Variants in KATNAL2 observed in about 807,000 individuals in gnomAD.
KATNAL2 encodes katanin p60 ATPase-containing subunit A-like 2.
In KATNAL2, 52 loss-of-function variants were observed where a neutral mutation model predicts 76.3. The observed-to-expected ratio is 0.68, with a 90% CI of 0.55 to 0.86. The LOEUF is 0.86. KATNAL2 is among the 40% of genes least tolerant of loss of function. The probability of loss-of-function intolerance (pLI) is 0.00; values close to 1 mark genes in which losing one functional copy is unlikely to be tolerated. For synonymous variants in KATNAL2, 243 were observed against 244.2 expected, an observed-to-expected ratio of 1.00 and a Z score of 0.05; for missense variants, 660 against 668.9, an observed-to-expected ratio of 0.99 and a Z score of 0.15.
chr18:46,939,197 G>C (rs1488981571), intron 1 of KATNAL2, among the ~76,000 whole-genome samples: 1 of 152,054 alleles, frequency 6.6e-6, no homozygotes, highest in Non-Finnish European at 1.5e-5. Flanking sequence ...AAAATTAGCT[G>C]AGTGTGGTGG....
intron 10 of KATNAL2, among the ~76,000 whole-genome samples, chr18:47,065,668 C>A (rs1193675557): frequency 6.6e-6 from 1 of 151,896 alleles, no homozygotes; most frequent in Non-Finnish European, 1.5e-5. Context: ...AACAAACAAA[C>A]AAACAAGAAC....
chr18:47,091,465 G>A (rs1412117595), intron 15 of KATNAL2, among the ~76,000 whole-genome samples: 3 of 152,150 alleles, frequency 2.0e-5, no homozygotes, highest in African/African-American at 4.8e-5. Context: ...AGGGACTAAG[G>A]GGAGTGCTTT....
chr18:46,918,093 G>A (rs1026337858), intron 1 of KATNAL2, 167 bp downstream of exon 1: 1 of 152,058 alleles, frequency 6.6e-6, no homozygotes, highest in African/African-American at 2.4e-5. Flanking sequence ...GCGGGGAGAA[G>A]TGAAATAAGA....
intron 16 of KATNAL2, among the ~76,000 whole-genome samples, chr18:47,099,760 C>T (rs1046004841): frequency 6.6e-6 from 1 of 152,170 alleles, no homozygotes; most frequent in Admixed American, 6.5e-5. Context: ...CAAAGAATGA[C>T]TGTGATGATT....
At chr18:47,090,224 A>G (rs1345287654) in intron 15 of KATNAL2, among the ~76,000 whole-genome samples, 1 of 152,000 alleles carries the variant, frequency 6.6e-6, no homozygotes, top group African/African-American at 2.4e-5. Context: ...CTCCTGCCTC[A>G]GCCTCCTGAG....
chr18:46,928,080 C>A (rs1438457009), intron 1 of KATNAL2, among the ~76,000 whole-genome samples: 3 of 152,230 alleles, frequency 2.0e-5, no homozygotes, highest in African/African-American at 7.2e-5. Flanking sequence ...CTTCTTCTCT[C>A]AACTCGTCAA....
At chr18:47,035,369 A>C in intron 3 of KATNAL2, 2 of 1,569,332 alleles carry the variant, frequency 1.3e-6, no homozygotes, top group South Asian at 2.3e-5. Context: ...CCCGGTCGCC[A>C]GGCAGCGACC....
intron 14 of KATNAL2, 28 bp from the exon 15 acceptor site, chr18:47,077,323 A>C: frequency 6.5e-7 from 1 of 1,541,652 alleles, no homozygotes; most frequent in Non-Finnish European, 9.0e-7. Context: ...TCTGACACTT[A>C]GGAGAATCAC....
At chr18:47,046,025 G>A (rs997547752) in intron 3 of KATNAL2, among the ~76,000 whole-genome samples, 8 of 152,306 alleles carry the variant, frequency 5.3e-5, no homozygotes, top group Admixed American at 1.3e-4. Context: ...AGGACTGGGC[G>A]GGGCTCTGAG....
chr18:46,943,396 A>G (rs2059300959), intron 1 of KATNAL2, among the ~76,000 whole-genome samples: 1 of 152,216 alleles, frequency 6.6e-6, no homozygotes, highest in Non-Finnish European at 1.5e-5. Context: ...AGCACAAGAT[A>G]CAGAACAAAG....
Position 47,064,955 on chromosome 18 carries a change from A to T in KATNAL2, c.726+1594A>T, listed in dbSNP as rs370912680. 4.6e-4 allele frequency among the ~76,000 whole-genome samples: 70 copies of T among 152,300 alleles called. 1 individual carries two copies. The Middle Eastern group carries it at 0.014, about 30-fold the overall frequency. On this transcript the variant is annotated intron_variant, in intron 10 of 17. Transcript: ENST00000683218. ...GAAGAGGTCAAGAAATACTGCTGTT[A>T]TCTATGGATGCTTTTAATACCTAGG...
At chr18:47,100,186 C>A in intron 16 of KATNAL2, 68 bp from the exon 17 acceptor site, 1 of 1,078,286 alleles carries the variant, frequency 9.3e-7, no homozygotes, top group Non-Finnish European at 1.4e-6. Context: ...CTGGGTCCTG[C>A]CTATAACAAC....
At chr18:47,069,401 T>A in intron 12 of KATNAL2, 81 bp from the exon 13 acceptor site, 1 of 1,380,394 alleles carries the variant, frequency 7.2e-7, no homozygotes, top group Non-Finnish European at 1.0e-6. Flanking sequence ...ACTTCCTTCC[T>A]TGTGTGTGAG....
At chr18:47,051,130 C>T (rs1191716525) in intron 4 of KATNAL2, among the ~76,000 whole-genome samples, 1 of 152,096 alleles carries the variant, frequency 6.6e-6, no homozygotes, top group East Asian at 1.9e-4. Flanking sequence ...CCCGTCCTGT[C>T]GCTCTGTTGG....
chr18:46,965,576 TCCCCGC>T (rs2060093034), intron 3 of KATNAL2, among the ~76,000 whole-genome samples: 1 of 68,634 alleles, frequency 1.5e-5, no homozygotes, highest in African/African-American at 6.8e-5. Flanking sequence ...CCCTCTAGCA[TCCCCGC>T]CCCCCCCCCC....
chr18:47,051,443 A>C (rs1300749594), intron 4 of KATNAL2, among the ~76,000 whole-genome samples: 1 of 149,740 alleles, frequency 6.7e-6, no homozygotes, highest in African/African-American at 2.5e-5. Flanking sequence ...AAAAAAAAAA[A>C]AGGTTAAAAA....
At chr18:46,923,100 C>T (rs1054396444) in intron 1 of KATNAL2, among the ~76,000 whole-genome samples, 36 of 149,778 alleles carry the variant, frequency 2.4e-4, no homozygotes, top group Non-Finnish European at 4.4e-4. Flanking sequence ...TTTTAGGGTA[C>T]ATGTGCACAA....
chr18:46,921,995 C>T (rs529293622), intron 1 of KATNAL2, among the ~76,000 whole-genome samples: 11 of 152,210 alleles, frequency 7.2e-5, no homozygotes, highest in Admixed American at 1.3e-4. Flanking sequence ...ATTTATATCA[C>T]ATTTCCTAAC....
At chr18:47,054,556 A>G (rs2061419918) in intron 6 of KATNAL2, 118 bp downstream of exon 6, 1 of 1,010,430 alleles carries the variant, frequency 9.9e-7, no homozygotes, top group Middle Eastern at 2.1e-4. Flanking sequence ...GACTGCAGTC[A>G]TGTGACCTGG....
Sources: allele counts gnomAD v4.1 joint callset (sites outside exome capture counted in the v4.1 genomes callset), GRCh38; gene constraint gnomAD v4.1.1; transcripts MANE v1.5; gene names NCBI Gene and HGNC (gene_info 2026-07-23, HGNC 2026-07-21).